The following KIRREL3 variants were observed in gnomAD, a reference collection of about 807,000 sequenced individuals.
KIRREL3 encodes the protein kin of IRRE-like protein 3.
In KIRREL3, 36 loss-of-function variants were observed where a neutral mutation model predicts 89.7. The observed-to-expected ratio is 0.40, with a 90% CI of 0.31 to 0.53. The LOEUF (loss-of-function observed/expected upper bound fraction) is 0.53. Ranked by LOEUF, KIRREL3 falls within the 20% of genes least tolerant of loss-of-function variation. The pLI, the probability that KIRREL3 is intolerant of heterozygous loss-of-function variation, is 0.49. For synonymous variants in KIRREL3, 445 were observed against 441.4 expected, an observed-to-expected ratio of 1.01 and a Z score of -0.10; for missense variants, 864 against 1,056.6, an observed-to-expected ratio of 0.82 and a Z score of 2.53.
rs142545775 is a variant in KIRREL3, at chr11:126,651,402, T to A, written c.56-88490A>T. On this transcript the variant is annotated intron_variant, in intron 1 of 16. Transcript: ENST00000525144. The surrounding 1 kb of genome is among the most constrained non-coding windows in gnomAD (Gnocchi z 4.6). ...AGGGACTATTTTTGAGAACCATGCA[T>A]GCTCTTTCCAGATATCAGTGGACAG... 3.0e-4 allele frequency among the ~76,000 whole-genome samples: 45 copies of A among 152,374 alleles called. No homozygotes were observed. The East Asian group carries it at 8.1e-3, about 27-fold the overall frequency.
In KIRREL3 at chr11:126,877,144, C is replaced by T. The variant is rs946625137; in HGVS notation, c.55+123311G>A. ...AATGAGAAAGAGGAGGACAAGCAGA[C>T]GTTCAGCTCTGTTAAGAGACCATTG... On this transcript the variant is annotated intron_variant, in intron 1 of 16. Coordinates refer to ENST00000525144, the MANE Select transcript of KIRREL3 (RefSeq NM_032531.4). This position sits in a 1 kb window ranked among gnomAD's most constrained non-coding sequence, Gnocchi z 4.9. 2.0e-5 allele frequency among the ~76,000 whole-genome samples: 3 copies of T among 152,110 alleles called. No individual in the cohort carries two copies. Among genetic ancestry groups the T allele is most frequent in the Admixed American group, 6.5e-5 (1 of 15,276 alleles).
chr11:126,839,865 G>A (rs890614276), intron 1 of KIRREL3, among the ~76,000 whole-genome samples: 2 of 152,186 alleles, frequency 1.3e-5, no homozygotes, highest in Non-Finnish European at 2.9e-5. Flanking sequence ...ATAAACAAGT[G>A]TCTTTTTGAA....
chr11:126,784,272 G>A (rs1950415353), intron 1 of KIRREL3, among the ~76,000 whole-genome samples: 1 of 152,178 alleles, frequency 6.6e-6, no homozygotes, highest in Non-Finnish European at 1.5e-5. Context: ...TATAACAAAT[G>A]TACCATACTA....
intron 2 of KIRREL3, among the ~76,000 whole-genome samples, chr11:126,543,755 A>G (rs977350999): frequency 3.9e-5 from 6 of 152,206 alleles, no homozygotes; most frequent in African/African-American, 1.4e-4. Flanking sequence ...CTTCAGGGCA[A>G]AAGTCGTTGG....
chr11:126,589,488 ATG>A (rs1460955137), intron 1 of KIRREL3, among the ~76,000 whole-genome samples: 1 of 152,188 alleles, frequency 6.6e-6, no homozygotes, highest in Non-Finnish European at 1.5e-5. Context: ...AGAGAGAGCT[ATG>A]TGTGTCAGTT....
At position 126,697,057 on chromosome 11, in the gene KIRREL3, G is replaced by A. The variant is rs999571984; in HGVS notation, c.56-134145C>T. On this transcript the variant is annotated intron_variant, in intron 1 of 16. Transcript: ENST00000525144. This position sits in a 1 kb window ranked among gnomAD's most constrained non-coding sequence, Gnocchi z 4.2. ...GCCTGCACAAACCCACTGTTCTTTC[G>A]CTCAGGGTGCTCTGCCCTGCGACTC... 6.6e-5 allele frequency among the ~76,000 whole-genome samples: 10 copies of A among 152,144 alleles called. No individual in the cohort carries two copies. The highest frequency in any genetic ancestry group is 4.2e-4 in the South Asian group (2 of 4,806).
intron 4 of KIRREL3, among the ~76,000 whole-genome samples, chr11:126,505,319 C>T (rs1957985371): frequency 6.6e-6 from 1 of 152,202 alleles, no homozygotes; most frequent in Non-Finnish European, 1.5e-5. Flanking sequence ...CTTGTAATTC[C>T]AGCACTCTGG....
chr11:126,986,194 T>C (rs1565479669), intron 1 of KIRREL3, among the ~76,000 whole-genome samples: 2 of 152,100 alleles, frequency 1.3e-5, no homozygotes, highest in African/African-American at 4.8e-5. Flanking sequence ...AGCTCATGCA[T>C]TTGGTTTCCC....
rs1292814137 is a variant in KIRREL3, at chr11:126,557,917, AG to A, written c.133+4917del. ...CTGGGTGCTCCAGCTCTTCCCACAC[AG>A]GGTAGAGGTCTCCAGTCAGCAAAAG... On this transcript the variant is annotated intron_variant, in intron 2 of 16. Coordinates refer to ENST00000525144, the MANE Select transcript of KIRREL3 (RefSeq NM_032531.4). This position sits in a 1 kb window ranked among gnomAD's most constrained non-coding sequence, Gnocchi z 5.6. Among the ~76,000 whole-genome samples, 2 of 152,214 alleles carry A rather than the reference AG, an allele frequency of 1.3e-5. No homozygotes were observed. Among genetic ancestry groups the A allele is most frequent in the Admixed American group, 6.5e-5 (1 of 15,292 alleles).
At chr11:126,835,634 A>G (rs1345158555) in intron 1 of KIRREL3, among the ~76,000 whole-genome samples, 1 of 152,196 alleles carries the variant, frequency 6.6e-6, no homozygotes, top group Non-Finnish European at 1.5e-5. Flanking sequence ...GCATGGACAA[A>G]GTGCTATGGG....
chr11:126,605,661 T>C lies in KIRREL3; in HGVS notation c.56-42749A>G, dbSNP rs910257979. On this transcript the variant is annotated intron_variant, in intron 1 of 16. Transcript: ENST00000525144. This position sits in a 1 kb window ranked among gnomAD's most constrained non-coding sequence, Gnocchi z 5.7. Reference sequence around the variant, plus strand: ...AAAGTTGTCGGTTTCACTTAATAAATACATTGCCATTCTTGGCCACACATA... The same window carrying C: ...AAAGTTGTCGGTTTCACTTAATAAACACATTGCCATTCTTGGCCACACATA... 6.6e-6 allele frequency among the ~76,000 whole-genome samples: 1 copy of C among 152,196 alleles called. No individual in the cohort carries two copies. The highest frequency in any genetic ancestry group is 1.5e-5 in the Non-Finnish European group (1 of 68,038).
Position 126,669,730 on chromosome 11 carries a change from C to T in KIRREL3, c.56-106818G>A, listed in dbSNP as rs11220579. 0.3 allele frequency among the ~76,000 whole-genome samples: 46,067 copies of T among 152,136 alleles called. 7,251 individuals are homozygous for T. Among genetic ancestry groups the T allele is most frequent in the East Asian group, 0.4 (2,044 of 5,164 alleles). On this transcript the variant is annotated intron_variant, in intron 1 of 16. Transcript: ENST00000525144. The surrounding 1 kb of genome is among the most constrained non-coding windows in gnomAD (Gnocchi z 5.0). ...TTTTCTCTCAAGGTTTTGCATGAAA[C>T]TCCAAGGCTTTAAATACCATTGAGA...
At chr11:126,885,331 G>A (rs1305477049) in intron 1 of KIRREL3, among the ~76,000 whole-genome samples, 1 of 152,084 alleles carries the variant, frequency 6.6e-6, no homozygotes, top group Non-Finnish European at 1.5e-5. Flanking sequence ...GTCCATGTTG[G>A]CTTCATGAAC....
In KIRREL3 at chr11:126,456,419, G is replaced by T. The variant is rs866512618; in HGVS notation, c.778C>A (p.Pro260Thr). ...GTGACGACGTTGTCCTCCAGCACTGGCTGTGGCTCCACCGAGAGGTTGACC... is the reference window on the plus strand; with the variant it reads ...GTGACGACGTTGTCCTCCAGCACTGTCTGTGGCTCCACCGAGAGGTTGACC... ...PLVNLSVEPQ[P>T]VLEDNVVTFH... The change falls in exon 7 of 17, where the codon CCA (proline) becomes ACA (threonine). Residue 260 changes from proline (P) to threonine (T), a missense_variant. Transcript: ENST00000525144. 3 of 1,580,258 alleles carry T rather than the reference G, an allele frequency of 1.9e-6. No individual in the cohort carries two copies. Among genetic ancestry groups the T allele is most frequent in the Non-Finnish European group, 1.7e-6 (2 of 1,163,972 alleles).
At chr11:126,507,894 C>T (rs887686186) in intron 4 of KIRREL3, among the ~76,000 whole-genome samples, 9 of 152,188 alleles carry the variant, frequency 5.9e-5, no homozygotes, top group African/African-American at 2.2e-4. Flanking sequence ...TCTCCCTTGC[C>T]CATGCCTCGT....
At chr11:126,853,486 A>T (rs1466794676) in intron 1 of KIRREL3, among the ~76,000 whole-genome samples, 1 of 152,188 alleles carries the variant, frequency 6.6e-6, no homozygotes, top group Non-Finnish European at 1.5e-5. Flanking sequence ...TGTCAGTTTT[A>T]ATATGCTTTT....
At position 126,530,647 on chromosome 11, in the gene KIRREL3, C is replaced by T. The variant is rs190493822; in HGVS notation, c.134-3960G>A. Among the ~76,000 whole-genome samples, 201 of 152,268 alleles carry T rather than the reference C, an allele frequency of 1.3e-3. 1 individual carries two copies. The highest frequency in any genetic ancestry group is 5.2e-3 in the South Asian group (25 of 4,818). On this transcript the variant is annotated intron_variant, in intron 2 of 16. Coordinates refer to ENST00000525144, the MANE Select transcript of KIRREL3 (RefSeq NM_032531.4). The surrounding 1 kb of genome is among the most constrained non-coding windows in gnomAD (Gnocchi z 5.8). ...CCCTCCCCATCACACCTGGGCGTCT[C>T]AGATGGAGCACAGAGTAGGTGCCTC...
Position 126,612,202 on chromosome 11 carries a change from A to C in KIRREL3, c.56-49290T>G, listed in dbSNP as rs1943161124. ...CCTGGCATATAATAAGTGCTCCCTC[A>C]GAATTTGAGTATTATATGGACACCC... On this transcript the variant is annotated intron_variant, in intron 1 of 16. Coordinates refer to ENST00000525144, the MANE Select transcript of KIRREL3 (RefSeq NM_032531.4). The surrounding 1 kb of genome is among the most constrained non-coding windows in gnomAD (Gnocchi z 4.5). Among the ~76,000 whole-genome samples the C allele has an allele frequency of 6.6e-6, 1 of 152,106 alleles. No individual in the cohort carries two copies. The highest frequency in any genetic ancestry group is 2.4e-5 in the African/African-American group (1 of 41,410).
rs1351041303 is a variant in KIRREL3 at position 126,424,765 on chromosome 11, C to G, written c.2152G>C (p.Asp718His). 4.3e-6 allele frequency: 7 copies of G among 1,613,910 alleles called. No individual in the cohort carries two copies. Among genetic ancestry groups the G allele is most frequent in the Non-Finnish European group, 5.9e-6 (7 of 1,179,904 alleles). ...EREFQRGSLS[D>H]SSSFLDTQCD... ...TGCGTGTCCAGGAAGGAGCTGCTGTCGCTGAGGGAGCCTCTCTGGAACTCC... is the reference window on the plus strand; with the variant it reads ...TGCGTGTCCAGGAAGGAGCTGCTGTGGCTGAGGGAGCCTCTCTGGAACTCC... The change falls in exon 17 of 17, where the codon GAC becomes CAC. Residue 718 changes from aspartate to histidine, a missense_variant. Coordinates refer to ENST00000525144, the MANE Select transcript of KIRREL3 (RefSeq NM_032531.4).
Sources: allele counts gnomAD v4.1 joint callset (sites outside exome capture counted in the v4.1 genomes callset), GRCh38; gene constraint gnomAD v4.1.1; non-coding constraint Gnocchi (gnomAD v3.1); transcripts MANE v1.5; gene names NCBI Gene and HGNC (gene_info 2026-07-23, HGNC 2026-07-21).